Variants in ADAMTSL1 observed in about 807,000 individuals in gnomAD.
ADAMTSL1 encodes the protein ADAMTS like 1, also known as ADAMTS-like protein 1.
In ADAMTSL1, 126 loss-of-function variants were observed where a neutral mutation model predicts 201.8. The observed-to-expected ratio is 0.62, with a 90% CI of 0.54 to 0.72. The LOEUF (loss-of-function observed/expected upper bound fraction) is 0.72. Among genes scored for constraint, ADAMTSL1 ranks in the 30% least tolerant of loss-of-function variants. ADAMTSL1 has a pLI of 0.00. For missense variants in ADAMTSL1, 2,679 were observed against 2,277.8 expected (o/e 1.18, Z -3.59); for synonymous variants, 1,121 against 903.4 (o/e 1.24, Z -4.32).
At chr9:18,038,807 C>T (rs1821314821) in intron 1 of ADAMTSL1, among the ~76,000 whole-genome samples, 3 of 152,284 alleles carry the variant, frequency 2.0e-5, no homozygotes, top group Admixed American at 2.0e-4. Context: ...GTGCTTGTTC[C>T]ACTTCTCCAT....
chr9:18,908,091 G>A (rs1271351902), intron 28 of ADAMTSL1: 2 of 293,898 alleles, frequency 6.8e-6, no homozygotes, highest in Non-Finnish European at 1.3e-5. Context: ...AGGCAGGTTT[G>A]CCTAGGGGGA....
chr9:17,938,070 A>C (rs1164588175), intron 1 of ADAMTSL1, among the ~76,000 whole-genome samples: 3 of 152,150 alleles, frequency 2.0e-5, no homozygotes, highest in Admixed American at 6.5e-5. Context: ...AAACCAAGGG[A>C]AAATATGCTT....
chr9:18,808,422 G>A (rs1358065073), intron 20 of ADAMTSL1, among the ~76,000 whole-genome samples: 1 of 152,118 alleles, frequency 6.6e-6, no homozygotes, highest in African/African-American at 2.4e-5. Flanking sequence ...TAATAAGAAT[G>A]TATAAGAAGT....
intron 2 of ADAMTSL1, among the ~76,000 whole-genome samples, chr9:18,274,405 C>T (rs902455536): frequency 3.3e-5 from 5 of 152,066 alleles, no homozygotes; most frequent in African/African-American, 1.2e-4. Context: ...TTCTTTCCCC[C>T]AAATAAGCAA....
chr9:18,739,694 C>G (rs1272673747), intron 15 of ADAMTSL1, among the ~76,000 whole-genome samples: 2 of 152,130 alleles, frequency 1.3e-5, no homozygotes, highest in East Asian at 3.9e-4. Context: ...TTGTGGAAAG[C>G]CTCATTCTCA....
chr9:18,620,547 G>A (rs1825975907), intron 4 of ADAMTSL1, among the ~76,000 whole-genome samples: 1 of 152,158 alleles, frequency 6.6e-6, no homozygotes, highest in Non-Finnish European at 1.5e-5. Context: ...TCATGGGCGG[G>A]CCCATCTACA....
intron 2 of ADAMTSL1, among the ~76,000 whole-genome samples, chr9:18,293,391 G>A (rs978149381): frequency 2.0e-5 from 3 of 152,168 alleles, no homozygotes; most frequent in Admixed American, 6.6e-5. Context: ...CTACAAGGAG[G>A]CATATGTCAT....
chr9:18,314,822 A>G (rs1212945922), intron 2 of ADAMTSL1, among the ~76,000 whole-genome samples: 1 of 77,414 alleles, frequency 1.3e-5, no homozygotes, highest in African/African-American at 4.9e-5. Flanking sequence ...TTTGAGACGG[A>G]GTCTTGCTCT....
At chr9:18,314,779 G>A (rs11999378) in intron 2 of ADAMTSL1, among the ~76,000 whole-genome samples, 2 of 106,566 alleles carry the variant, frequency 1.9e-5, no homozygotes, top group East Asian at 2.9e-4. Context: ...CTTCGGCAGC[G>A]TGCTTTTTTT....
intron 3 of ADAMTSL1, among the ~76,000 whole-genome samples, chr9:18,537,890 A>G (rs1367450143): frequency 2.7e-5 from 4 of 150,264 alleles, no homozygotes; most frequent in Non-Finnish European, 4.4e-5. Context: ...AAAAAAAAAA[A>G]AAAGAAGAAA....
chr9:17,927,526 A>G (rs920108902), intron 1 of ADAMTSL1, among the ~76,000 whole-genome samples: 1 of 151,892 alleles, frequency 6.6e-6, no homozygotes, highest in African/African-American at 2.4e-5. Flanking sequence ...CTCTGTATCT[A>G]TGGGACCTGC....
chr9:18,545,715 A>C (rs1820429169), intron 3 of ADAMTSL1, among the ~76,000 whole-genome samples: 1 of 152,184 alleles, frequency 6.6e-6, no homozygotes, highest in Non-Finnish European at 1.5e-5. Flanking sequence ...TCTGAATTTC[A>C]TAAAAAGGAT....
intron 2 of ADAMTSL1, among the ~76,000 whole-genome samples, chr9:18,365,435 A>G (rs1836725710): frequency 6.6e-6 from 1 of 152,214 alleles, no homozygotes; most frequent in Non-Finnish European, 1.5e-5. Context: ...CACAAAATTC[A>G]GTATAGTAGA....
chr9:18,048,459 T>C (rs1340572947), intron 1 of ADAMTSL1, among the ~76,000 whole-genome samples: 10 of 152,180 alleles, frequency 6.6e-5, no homozygotes, highest in Non-Finnish European at 1.2e-4. Flanking sequence ...AATACTGCTA[T>C]ATAGATAGTG....
At chr9:18,677,047 A>G (rs1361784338) in intron 10 of ADAMTSL1, among the ~76,000 whole-genome samples, 1 of 152,070 alleles carries the variant, frequency 6.6e-6, no homozygotes, top group Non-Finnish European at 1.5e-5. Context: ...GTATATACAC[A>G]TCTATCGATG....
chr9:17,927,357 T>A (rs563829258), intron 1 of ADAMTSL1, among the ~76,000 whole-genome samples: 310 of 152,296 alleles, frequency 2.0e-3, no homozygotes, highest in African/African-American at 7.2e-3. Context: ...TACATGTACA[T>A]ATATACATAT....
intron 1 of ADAMTSL1, among the ~76,000 whole-genome samples, chr9:18,481,980 C>T (rs1228591678): frequency 6.6e-6 from 1 of 152,124 alleles, no homozygotes; most frequent in African/African-American, 2.4e-5. Context: ...GCTTTCTTGG[C>T]AACAACCAAA....
At chr9:18,084,052 G>A (rs1823633795) in intron 1 of ADAMTSL1, among the ~76,000 whole-genome samples, 1 of 152,156 alleles carries the variant, frequency 6.6e-6, no homozygotes, top group Admixed American at 6.5e-5. Context: ...AGAAGGTGAT[G>A]ACTTCCCTCC....
chr9:18,557,566 A>G (rs1478306263), intron 3 of ADAMTSL1, among the ~76,000 whole-genome samples: 1 of 152,036 alleles, frequency 6.6e-6, no homozygotes, highest in Non-Finnish European at 1.5e-5. Flanking sequence ...ATATATTGCC[A>G]GGAAATACAC....
Sources: allele counts gnomAD v4.1 joint callset (sites outside exome capture counted in the v4.1 genomes callset), GRCh38; gene constraint gnomAD v4.1.1; transcripts MANE v1.5; gene names NCBI Gene and HGNC (gene_info 2026-07-23, HGNC 2026-07-21).